STK33: variants seen among roughly 807,000 people sequenced by gnomAD.
STK33 encodes the protein serine/threonine-protein kinase 33.
In STK33, 52 loss-of-function variants were observed where a neutral mutation model predicts 58.0. The ratio of observed to expected loss-of-function variants is 0.90; its 90% CI spans 0.72 to 1.13. STK33 has a LOEUF of 1.13. Among genes scored for constraint, STK33 ranks in the 50% most tolerant of loss-of-function variants. The pLI is 0.00. For missense variants in STK33, 630 were observed against 604.2 expected (o/e 1.04, Z -0.45); for synonymous variants, 215 against 200.1 (o/e 1.07, Z -0.63).
the STK33 span, among the ~76,000 whole-genome samples, chr11:8,364,208 T>C: frequency 2.0e-5 from 3 of 152,264 alleles, no homozygotes; most frequent in Non-Finnish European, 4.4e-5. Flanking sequence ...AGCCAAATGG[T>C]GGCGACGTCG....
At chr11:8,412,861 C>G (rs574325554) in intron 15 of STK33, among the ~76,000 whole-genome samples, 1 of 152,120 alleles carries the variant, frequency 6.6e-6, no homozygotes. Flanking sequence ...ATCCAGTTAA[C>G]GGATCACAAT....
chr11:8,585,548 G>A (rs762033105), intron 1 of STK33, among the ~76,000 whole-genome samples: 3 of 151,668 alleles, frequency 2.0e-5, no homozygotes, highest in Non-Finnish European at 4.4e-5. Context: ...TTAAGCTAGC[G>A]TTAGAAGAAG....
At chr11:8,492,582 G>C (rs12270816) in intron 1 of STK33, among the ~76,000 whole-genome samples, 14,771 of 152,038 alleles carry the variant, frequency 0.097, 1,718 homozygotes, top group African/African-American at 0.28. Context: ...GAACTCAGCT[G>C]TGCACCAAGC....
At chr11:8,516,037 C>A (rs923618369) in intron 1 of STK33, among the ~76,000 whole-genome samples, 6 of 152,290 alleles carry the variant, frequency 3.9e-5, no homozygotes, top group African/African-American at 1.4e-4. Flanking sequence ...ATCCCAACAG[C>A]ATTTTTTACA....
intron 11 of STK33, among the ~76,000 whole-genome samples, chr11:8,452,512 T>C (rs1232688174): frequency 6.6e-6 from 1 of 152,164 alleles, no homozygotes; most frequent in African/African-American, 2.4e-5. Flanking sequence ...TCTGGTGCAG[T>C]GTCTCAAGCC....
At chr11:8,440,782 T>C (rs1278329947) in intron 11 of STK33, 29 bp from the exon 12 acceptor site, 1 of 1,537,476 alleles carries the variant, frequency 6.5e-7, no homozygotes, top group African/African-American at 1.4e-5. Flanking sequence ...TAAAATAACA[T>C]TAATAATACA....
chr11:8,452,435 T>C (rs1431181045), intron 11 of STK33, among the ~76,000 whole-genome samples: 3 of 152,124 alleles, frequency 2.0e-5, no homozygotes, highest in African/African-American at 7.2e-5. Context: ...TATGTCATGA[T>C]GGCAAAAATT....
chr11:8,462,428 C>T (rs934804251), intron 7 of STK33, among the ~76,000 whole-genome samples: 10 of 101,684 alleles, frequency 9.8e-5, no homozygotes, highest in Non-Finnish European at 1.7e-4. Context: ...CATATATATA[C>T]ATATATACAT....
At chr11:8,552,165 T>C (rs768824376) in intron 1 of STK33, among the ~76,000 whole-genome samples, 5 of 152,222 alleles carry the variant, frequency 3.3e-5, no homozygotes, top group Non-Finnish European at 7.3e-5. Context: ...GCCATAGGTC[T>C]AGAAAAATTC....
At chr11:8,515,720 T>C (rs1266292925) in intron 1 of STK33, among the ~76,000 whole-genome samples, 3 of 152,046 alleles carry the variant, frequency 2.0e-5, no homozygotes, top group Non-Finnish European at 2.9e-5. Context: ...TTAACAGAAT[T>C]GAAAATAAAA....
At chr11:8,421,706 G>A (rs1941948290) in intron 14 of STK33, among the ~76,000 whole-genome samples, 1 of 152,094 alleles carries the variant, frequency 6.6e-6, no homozygotes, top group South Asian at 2.1e-4. Flanking sequence ...ACACATGATT[G>A]TGATATATCT....
chr11:8,525,743 A>C (rs1321836848), intron 1 of STK33, among the ~76,000 whole-genome samples: 1 of 152,234 alleles, frequency 6.6e-6, no homozygotes, highest in Non-Finnish European at 1.5e-5. Context: ...TGTTCATCAA[A>C]GATACCATTA....
chr11:8,450,448 C>G (rs976901945), intron 11 of STK33, among the ~76,000 whole-genome samples: 2 of 151,896 alleles, frequency 1.3e-5, no homozygotes, highest in Non-Finnish European at 2.9e-5. Context: ...GGAGAAATAC[C>G]TAATGTAGAT....
At chr11:8,592,008 A>G (rs1286013315) in intron 1 of STK33, among the ~76,000 whole-genome samples, 1 of 151,926 alleles carries the variant, frequency 6.6e-6, no homozygotes, top group Admixed American at 6.6e-5. Context: ...TAAAAAAAAA[A>G]TTACTCTGCC....
chr11:8,384,974 C>T, the STK33 span, among the ~76,000 whole-genome samples: 11 of 152,178 alleles, frequency 7.2e-5, no homozygotes, highest in African/African-American at 2.7e-4. Flanking sequence ...AGGGCAGGAC[C>T]CTACACTAGA....
chr11:8,428,490 C>G (rs1260710316), intron 14 of STK33, among the ~76,000 whole-genome samples: 2 of 152,170 alleles, frequency 1.3e-5, no homozygotes, highest in African/African-American at 4.8e-5. Context: ...AGGTTTCTCT[C>G]TAAAGTTACT....
the STK33 span, among the ~76,000 whole-genome samples, chr11:8,358,553 C>G: frequency 6.6e-6 from 1 of 152,140 alleles, no homozygotes; most frequent in Non-Finnish European, 1.5e-5. Context: ...TACAGGGCGC[C>G]TGGAGGGTGA....
At chr11:8,420,321 A>T (rs571387457) in intron 14 of STK33, among the ~76,000 whole-genome samples, 14 of 152,288 alleles carry the variant, frequency 9.2e-5, no homozygotes, top group Middle Eastern at 3.4e-3. Flanking sequence ...TTCCTAACAA[A>T]ATCACCTCAG....
At chr11:8,479,679 C>CA (rs1428941414) in intron 2 of STK33, among the ~76,000 whole-genome samples, 1 of 151,886 alleles carries the variant, frequency 6.6e-6, no homozygotes, top group Admixed American at 6.6e-5. Context: ...CCCGTCTCTA[C>CA]AAAAAATACA....
Sources: allele counts gnomAD v4.1 joint callset (sites outside exome capture counted in the v4.1 genomes callset), GRCh38; gene constraint gnomAD v4.1.1; transcripts MANE v1.5; gene names NCBI Gene and HGNC (gene_info 2026-07-23, HGNC 2026-07-21).